The following WDR70 variants were observed in gnomAD, a reference collection of about 807,000 sequenced individuals.
WDR70 encodes WD repeat-containing protein 70.
WDR70 carries 53 observed loss-of-function variants against 88.6 expected under a neutral mutation model. The ratio of observed to expected loss-of-function variants is 0.60; its 90% CI spans 0.48 to 0.75. WDR70 has a LOEUF of 0.75. WDR70 is among the 30% of genes least tolerant of loss of function. The probability of loss-of-function intolerance (pLI) is 0.00; values close to 1 mark genes in which losing one functional copy is unlikely to be tolerated. For missense variants in WDR70, 610 were observed against 823.2 expected (o/e 0.74, Z 3.17); for synonymous variants, 280 against 270.0 (o/e 1.04, Z -0.36).
chr5:37,467,073 A>C (rs992896544), intron 7 of WDR70, among the ~76,000 whole-genome samples: 2 of 151,912 alleles, frequency 1.3e-5, no homozygotes, highest in African/African-American at 4.8e-5. Context: ...TTGTCTCTAC[A>C]AAAATTAGCT....
At chr5:37,621,572 GTTGT>G (rs1038824782) in intron 10 of WDR70, among the ~76,000 whole-genome samples, 133 of 152,218 alleles carry the variant, frequency 8.7e-4, no homozygotes, top group African/African-American at 3.0e-3. Context: ...TTTTGTTGGG[GTTGT>G]TTGTTTTTTT....
rs565369125 is a variant in WDR70 at position 37,486,779 on chromosome 5, A to T, written c.840+6792A>T. On this transcript the variant is annotated intron_variant, in intron 8 of 17. Transcript: ENST00000265107. ...GTTGGCCGCATGTGTCTTCTTTTGA[A>T]GTGTCTGTTTATGTTCTTTGCCCAC... is the stretch of plus-strand genomic sequence containing the variant. 2.7e-5 allele frequency among the ~76,000 whole-genome samples: 4 copies of T among 145,500 alleles called. 1 individual carries two copies. The South Asian group carries it at 9.6e-4, about 35-fold the overall frequency.
intron 9 of WDR70, among the ~76,000 whole-genome samples, chr5:37,582,215 G>C (rs1197507467): frequency 6.6e-6 from 1 of 152,130 alleles, no homozygotes; most frequent in African/African-American, 2.4e-5. Context: ...CATTTCTGGA[G>C]TAAATTTAAG....
At chr5:37,695,036 G>C (rs1746941174) in intron 10 of WDR70, among the ~76,000 whole-genome samples, 3 of 152,136 alleles carry the variant, frequency 2.0e-5, no homozygotes, top group Non-Finnish European at 2.9e-5. Context: ...TTTGGCTCAT[G>C]GTTCTGCAGG....
chr5:37,485,500 A>G (rs1190003059), intron 8 of WDR70, among the ~76,000 whole-genome samples: 1 of 152,132 alleles, frequency 6.6e-6, no homozygotes, highest in African/African-American at 2.4e-5. Flanking sequence ...TGCCACTTAA[A>G]TTAACCCCCA....
At chr5:37,589,078 A>G (rs1403740900) in intron 9 of WDR70, among the ~76,000 whole-genome samples, 1 of 151,958 alleles carries the variant, frequency 6.6e-6, no homozygotes, top group Non-Finnish European at 1.5e-5. Context: ...TTATTTTTTA[A>G]GATAGTGTCT....
intron 4 of WDR70, among the ~76,000 whole-genome samples, chr5:37,392,532 T>C (rs1748868955): frequency 6.6e-6 from 1 of 152,082 alleles, no homozygotes; most frequent in African/African-American, 2.4e-5. Flanking sequence ...GTATTTTTAG[T>C]AGAGACAGGT....
rs548895671 is a variant in WDR70 at position 37,670,500 on chromosome 5, G to T, written c.1093-27155G>T. Among the ~76,000 whole-genome samples, 23 of 152,314 alleles carry T rather than the reference G, an allele frequency of 1.5e-4. No individual in the cohort carries two copies. In the South Asian group the frequency reaches 4.6e-3, roughly 30 times the overall value. ...ATAAAAAGAACAGCAAAATTATATT[G>T]TAAAGGGGTGTGCCACATTTTCAGT... On this transcript the variant is annotated intron_variant, in intron 10 of 17. Coordinates refer to ENST00000265107, the MANE Select transcript of WDR70 (RefSeq NM_018034.4).
chr5:37,665,412 A>G (rs958449497), intron 10 of WDR70, among the ~76,000 whole-genome samples: 1 of 152,184 alleles, frequency 6.6e-6, no homozygotes, highest in Non-Finnish European at 1.5e-5. Context: ...CAGGATAAAC[A>G]TAACAGCACA....
At chr5:37,440,169 C>G (rs1031045551) in intron 6 of WDR70, among the ~76,000 whole-genome samples, 2 of 151,952 alleles carry the variant, frequency 1.3e-5, no homozygotes, top group Non-Finnish European at 2.9e-5. Flanking sequence ...TGCTTTTTCT[C>G]CTTTTAGTGA....
intron 10 of WDR70, among the ~76,000 whole-genome samples, chr5:37,673,583 A>ACCCCCTCCC (rs1746094773): frequency 1.3e-5 from 1 of 76,228 alleles, no homozygotes; most frequent in Non-Finnish European, 2.4e-5. Context: ...GACTTTTCTT[A>ACCCCCTCCC]CCCCCCCCCC....
At chr5:37,515,234 A>C (rs1740850918) in intron 8 of WDR70, among the ~76,000 whole-genome samples, 1 of 149,784 alleles carries the variant, frequency 6.7e-6, no homozygotes, top group South Asian at 2.1e-4. Flanking sequence ...TGTAGATAGA[A>C]GGTTTTAGGA....
At chr5:37,433,831 C>A (rs1365906381) in intron 5 of WDR70, among the ~76,000 whole-genome samples, 1 of 152,144 alleles carries the variant, frequency 6.6e-6, no homozygotes, top group Non-Finnish European at 1.5e-5. Context: ...TTCATTTGCC[C>A]ATTTGTTTAC....
chr5:37,623,724 G>C (rs1282520510), intron 10 of WDR70, among the ~76,000 whole-genome samples: 1 of 152,030 alleles, frequency 6.6e-6, no homozygotes, highest in African/African-American at 2.4e-5. Flanking sequence ...ACAAACTTCA[G>C]TTTCCTCATC....
intron 11 of WDR70, among the ~76,000 whole-genome samples, chr5:37,698,431 G>C (rs1392094032): frequency 2.0e-5 from 3 of 152,108 alleles, no homozygotes; most frequent in Non-Finnish European, 2.9e-5. Context: ...AAAAGAAATA[G>C]CATGGTAAGT....
intron 5 of WDR70, among the ~76,000 whole-genome samples, chr5:37,397,543 A>G (rs1290622641): frequency 9.9e-5 from 15 of 152,238 alleles, no homozygotes; most frequent in Admixed American, 9.8e-4. Context: ...GGGAGGATTT[A>G]AGAGCAAACT....
At chr5:37,735,500 T>C (rs775712687) in intron 17 of WDR70, among the ~76,000 whole-genome samples, 2 of 152,060 alleles carry the variant, frequency 1.3e-5, no homozygotes, top group African/African-American at 4.8e-5. Flanking sequence ...AGGACTGCAC[T>C]CTCTTCCTGA....
chr5:37,747,006 A>G (rs1463958969), intron 17 of WDR70, among the ~76,000 whole-genome samples: 1 of 152,218 alleles, frequency 6.6e-6, no homozygotes, highest in East Asian at 1.9e-4. Flanking sequence ...ATGAACATTG[A>G]TGCAAAAATC....
chr5:37,600,735 A>T (rs890051149), intron 9 of WDR70, among the ~76,000 whole-genome samples: 1 of 152,216 alleles, frequency 6.6e-6, no homozygotes, highest in Non-Finnish European at 1.5e-5. Context: ...AATGGTTATA[A>T]TAAAAAAGAC....
Sources: gnomAD v4.1 joint callset for allele counts (sites outside exome capture counted in the v4.1 genomes callset) on GRCh38, gnomAD v4.1.1 for gene constraint, MANE v1.5 for transcripts, NCBI Gene and HGNC (gene_info 2026-07-23, HGNC 2026-07-21) for gene names.